HGSNAT: variants seen among roughly 807,000 people sequenced by gnomAD.
The protein encoded by HGSNAT is transmembrane protein 76.
A neutral mutation model predicts 85.2 loss-of-function variants in HGSNAT; 59 were observed. That is an observed-to-expected ratio of 0.69 (90% CI 0.56 to 0.86). The LOEUF is 0.86. Ranked by LOEUF, HGSNAT falls within the 40% of genes least tolerant of loss-of-function variation. HGSNAT has a pLI of 0.00. For missense variants in HGSNAT, 756 were observed against 777.1 expected (o/e 0.97, Z 0.32); for synonymous variants, 321 against 304.5 (o/e 1.05, Z -0.56).
intron 2 of HGSNAT, among the ~76,000 whole-genome samples, chr8:43,156,159 A>G (rs12056606): frequency 0.88 from 133,582 of 152,258 alleles, 59,357 homozygotes; most frequent in Non-Finnish European, 0.96. Context: ...TTTGATGTAG[A>G]CATTTATTGC....
chr8:43,153,914 A>C (rs10958737), intron 2 of HGSNAT, among the ~76,000 whole-genome samples: 114,384 of 152,182 alleles, frequency 0.75, 45,212 homozygotes, highest in Non-Finnish European at 0.88. Context: ...TTCCTCTGTG[A>C]ATATATTGCA....
intron 3 of HGSNAT, 58 bp from the exon 4 acceptor site, chr8:43,158,865 A>G: frequency 6.4e-7 from 1 of 1,564,212 alleles, no homozygotes; most frequent in Admixed American, 1.8e-5. Flanking sequence ...TATTAGCAAA[A>G]TCCAACTTCT....
At chr8:43,143,982 A>G (rs1802634996) in intron 1 of HGSNAT, among the ~76,000 whole-genome samples, 1 of 152,120 alleles carries the variant, frequency 6.6e-6, no homozygotes, top group African/African-American at 2.4e-5. Flanking sequence ...GAAATTTTGT[A>G]ATGCATATCA....
At chr8:43,170,337 G>A (rs548914158) in intron 6 of HGSNAT, among the ~76,000 whole-genome samples, 3 of 152,038 alleles carry the variant, frequency 2.0e-5, no homozygotes, top group Admixed American at 6.6e-5. Context: ...AAAATTAGCC[G>A]GACGTGGTGG....
Position 43,140,546 on chromosome 8 carries a change from TGCTGAGCGCCGC to T in HGSNAT, c.55_66del (p.Ser19_Leu22del), listed in dbSNP as rs1303048852. The stretch of plus-strand genomic sequence containing the variant: ...GCCGCGCTGCTGCTGGCCGCGTCCG[TGCTGAGCGCCGC>T]GCTGCTGGCCCCCGGCGGCTCTTCG... On this transcript the variant is annotated inframe_deletion, in exon 1 of 18. Coordinates refer to ENST00000379644, the MANE Select transcript of HGSNAT (RefSeq NM_152419.3). 1.7e-6 allele frequency: 2 copies of T among 1,175,570 alleles called. No homozygotes were observed. The highest frequency in any genetic ancestry group is 3.3e-5 in the African/African-American group (2 of 61,302). 72.8% of individuals were successfully genotyped at this position (1,175,570 alleles called of 1,614,324 possible).
intron 11 of HGSNAT, among the ~76,000 whole-genome samples, chr8:43,188,219 A>G (rs1262736963): frequency 6.6e-6 from 1 of 152,176 alleles, no homozygotes; most frequent in Non-Finnish European, 1.5e-5. Flanking sequence ...GTTCTCCTAG[A>G]TAATATCCTG....
chr8:43,145,749 TAAAA>T (rs1043273555), intron 1 of HGSNAT, among the ~76,000 whole-genome samples: 13 of 147,958 alleles, frequency 8.8e-5, no homozygotes, highest in Admixed American at 6.7e-4. Context: ...AGACTCCATT[TAAAA>T]AAAAAAGAAA....
In HGSNAT at chr8:43,156,092, G is replaced by A. The variant is rs549895953; in HGVS notation, c.235-2483G>A. Among the ~76,000 whole-genome samples, 118 of 152,130 alleles carry A rather than the reference G, an allele frequency of 7.8e-4. No homozygotes were observed. In the South Asian group the frequency reaches 0.018, roughly 24 times the overall value. ...TGACCTCAGGTGATCTGCCAGCCTC[G>A]GCCTCCCAAAGTGCTGGGATTACAG... is the stretch of plus-strand genomic sequence containing the variant. On this transcript the variant is annotated intron_variant, in intron 2 of 17. Transcript: ENST00000379644.
rs1804563405 is a variant in HGSNAT, at chr8:43,192,290, T to C, written c.1251-14T>C. 3 of 1,600,482 alleles carry C rather than the reference T, an allele frequency of 1.9e-6. No homozygotes were observed. In the South Asian group the frequency reaches 3.4e-5, roughly 18 times the overall value. ...TGAGGTCTTGTCATTTACATATGCT[T>C]TTCACCTTCCTAGTGGTTATCTTGG... On this transcript the variant is annotated splice_polypyrimidine_tract_variant and intron_variant, in intron 12 of 17. Transcript: ENST00000379644.
intron 1 of HGSNAT, among the ~76,000 whole-genome samples, chr8:43,145,860 GA>G (rs1456077345): frequency 6.6e-6 from 1 of 152,150 alleles, no homozygotes; most frequent in African/African-American, 2.4e-5. Flanking sequence ...TTACAAAATA[GA>G]GACCGAGTTC....
chr8:43,146,903 G>C (rs1014108659), intron 1 of HGSNAT, 45 bp from the exon 2 acceptor site: 3 of 1,037,020 alleles, frequency 2.9e-6, no homozygotes, highest in South Asian at 1.5e-5. Flanking sequence ...CACATCTTTC[G>C]GGTGCCTTTT....
At chr8:43,173,934 G>A in intron 9 of HGSNAT, 191 bp downstream of exon 9, 1 of 538,084 alleles carries the variant, frequency 1.9e-6, no homozygotes, top group Non-Finnish European at 3.2e-6. Flanking sequence ...AGTGATTTGG[G>A]GCCGGGCGCG....
At chr8:43,196,393 G>A in intron 14 of HGSNAT, 6 of 1,139,968 alleles carry the variant, frequency 5.3e-6, no homozygotes, top group Non-Finnish European at 7.0e-6. Flanking sequence ...CCCCCACCCT[G>A]CCTCTGGTTC....
intron 11 of HGSNAT, among the ~76,000 whole-genome samples, chr8:43,186,288 G>A (rs1025724894): frequency 2.6e-5 from 4 of 152,096 alleles, no homozygotes; most frequent in African/African-American, 9.7e-5. Flanking sequence ...TTGTTGGTAG[G>A]CTATTAATTA....
intron 11 of HGSNAT, among the ~76,000 whole-genome samples, chr8:43,190,156 C>G (rs1331146669): frequency 1.3e-5 from 2 of 152,184 alleles, no homozygotes; most frequent in Non-Finnish European, 2.9e-5. Context: ...GGAGTCCCAT[C>G]TCATTTGTGA....
rs751686916 is a variant in HGSNAT, at chr8:43,150,669, TA to T, written c.234+3612del. 2.4e-3 allele frequency among the ~76,000 whole-genome samples: 367 copies of T among 151,836 alleles called. 1 individual carries two copies. Among genetic ancestry groups the T allele is most frequent in the Non-Finnish European group, 4.1e-3 (277 of 67,912 alleles). ...CAACACGGTGAAACCCTGTCTCTACTAAAAAATACAAAAAATTAGCCAGGCA... is the reference window on the plus strand; with the variant it reads ...CAACACGGTGAAACCCTGTCTCTACTAAAAATACAAAAAATTAGCCAGGCA... On this transcript the variant is annotated intron_variant, in intron 2 of 17. Coordinates refer to ENST00000379644, the MANE Select transcript of HGSNAT (RefSeq NM_152419.3).
chr8:43,146,392 G>T (rs1177239858), intron 1 of HGSNAT, among the ~76,000 whole-genome samples: 1 of 152,186 alleles, frequency 6.6e-6, no homozygotes, highest in East Asian at 1.9e-4. Context: ...CTAACAAGCT[G>T]CCTGGCTACA....
chr8:43,182,555 C>T (rs1804167460), intron 11 of HGSNAT: 1 of 409,566 alleles, frequency 2.4e-6, no homozygotes, highest in Non-Finnish European at 4.6e-6. Context: ...GCGATCCTCC[C>T]TCCTCAGTCT....
At chr8:43,154,172 T>C (rs1803012611) in intron 2 of HGSNAT, among the ~76,000 whole-genome samples, 3 of 152,214 alleles carry the variant, frequency 2.0e-5, no homozygotes, top group Non-Finnish European at 4.4e-5. Context: ...AAACTTCTTG[T>C]AGCAAGATAG....
Sources: allele counts gnomAD v4.1 joint callset (sites outside exome capture counted in the v4.1 genomes callset), GRCh38; gene constraint gnomAD v4.1.1; transcripts MANE v1.5; gene names NCBI Gene and HGNC (gene_info 2026-07-23, HGNC 2026-07-21).